The following PRORP variants were observed in gnomAD, a reference collection of about 807,000 sequenced individuals.
The protein encoded by PRORP is mitochondrial ribonuclease P catalytic subunit.
Under a neutral mutation model 59.4 loss-of-function variants are expected in PRORP, and 51 were observed. The observed-to-expected ratio is 0.86, with a 90% CI of 0.69 to 1.08. PRORP has a LOEUF of 1.08. Ranked by LOEUF, PRORP falls within the 50% of genes least tolerant of loss-of-function variation. The probability of loss-of-function intolerance (pLI) is 0.00; values close to 1 mark genes in which losing one functional copy is unlikely to be tolerated. For synonymous variants in PRORP, 231 were observed against 245.6 expected (o/e 0.94, Z 0.55); for missense variants, 646 against 690.3 (o/e 0.94, Z 0.72).
intron 5 of PRORP, among the ~76,000 whole-genome samples, chr14:35,255,845 G>C (rs983771532): frequency 2.8e-4 from 42 of 152,148 alleles, no homozygotes; most frequent in African/African-American, 9.2e-4. Flanking sequence ...AGCTTATACA[G>C]AGTCTTAAGA....
chr14:35,204,255 GA>G (rs1387772984), intron 5 of PRORP, among the ~76,000 whole-genome samples: 4 of 151,496 alleles, frequency 2.6e-5, no homozygotes, highest in East Asian at 1.9e-4. Flanking sequence ...AAAGAAATGA[GA>G]AAAAAAAATT....
intron 5 of PRORP, among the ~76,000 whole-genome samples, chr14:35,246,079 T>C: frequency 6.6e-6 from 1 of 152,182 alleles, no homozygotes; most frequent in South Asian, 2.1e-4. Flanking sequence ...ACATTCTGGC[T>C]CCTTATCTTT....
chr14:35,156,215 C>A (rs925031461), intron 4 of PRORP, among the ~76,000 whole-genome samples: 1 of 152,192 alleles, frequency 6.6e-6, no homozygotes, highest in African/African-American at 2.4e-5. Flanking sequence ...ACAGTGCTAA[C>A]TGGGAGATGT....
chr14:35,126,577 A>G (rs781657829), intron 2 of PRORP, among the ~76,000 whole-genome samples, 158 bp from the exon 3 acceptor site: 8 of 152,206 alleles, frequency 5.3e-5, no homozygotes, highest in Non-Finnish European at 1.2e-4. Context: ...TCTTAACCCC[A>G]TCCAGGATAG....
intron 6 of PRORP, among the ~76,000 whole-genome samples, chr14:35,268,565 T>C (rs1239124191): frequency 6.6e-6 from 1 of 152,170 alleles, no homozygotes; most frequent in East Asian, 1.9e-4. Context: ...ATAGTCTGAA[T>C]GTGATAACTT....
At chr14:35,176,075 G>T (rs529653715) in intron 4 of PRORP, among the ~76,000 whole-genome samples, 3 of 152,118 alleles carry the variant, frequency 2.0e-5, no homozygotes, top group South Asian at 2.1e-4. Flanking sequence ...ATTTCTGAGG[G>T]CTCTGTTCTG....
At chr14:35,260,507 T>G (rs1461217404) in intron 5 of PRORP, among the ~76,000 whole-genome samples, 1 of 152,226 alleles carries the variant, frequency 6.6e-6, no homozygotes, top group East Asian at 1.9e-4. Flanking sequence ...CTTCAAGTAT[T>G]CTGTTTTACC....
chr14:35,202,594 C>T (rs1027601361), intron 5 of PRORP, among the ~76,000 whole-genome samples: 1 of 152,004 alleles, frequency 6.6e-6, no homozygotes, highest in Non-Finnish European at 1.5e-5. Flanking sequence ...CTGTCTCATG[C>T]GATCAAAAGG....
At chr14:35,134,107 T>G (rs935410741) in intron 4 of PRORP, among the ~76,000 whole-genome samples, 1 of 152,186 alleles carries the variant, frequency 6.6e-6, no homozygotes, top group African/African-American at 2.4e-5. Context: ...AGAAGTGCCA[T>G]TTGGGAGCCA....
chr14:35,126,809 T>TAA, intron 3 of PRORP, 27 bp downstream of exon 3: 1 of 1,578,862 alleles, frequency 6.3e-7, no homozygotes, highest in Non-Finnish European at 8.7e-7. Context: ...ATTTTTAACT[T>TAA]GTTTGATTTT....
chr14:35,245,559 C>T (rs2050463510), intron 5 of PRORP, among the ~76,000 whole-genome samples: 1 of 152,060 alleles, frequency 6.6e-6, no homozygotes. Context: ...GAAGGAGGAT[C>T]GCTTGAGTCC....
chr14:35,273,316 G>T, intron 7 of PRORP, 119 bp from the exon 8 acceptor site: 1 of 923,068 alleles, frequency 1.1e-6, no homozygotes, highest in Non-Finnish European at 1.5e-6. Flanking sequence ...CCATTATTAA[G>T]TGAGATAATC....
At chr14:35,207,287 TAA>T (rs2049319014) in intron 5 of PRORP, among the ~76,000 whole-genome samples, 1 of 152,218 alleles carries the variant, frequency 6.6e-6, no homozygotes, top group South Asian at 2.1e-4. Flanking sequence ...GAATGTAAAA[TAA>T]AAAGACCTTA....
chr14:35,158,924 T>TA (rs2047990117), intron 4 of PRORP: 2 of 324,500 alleles, frequency 6.2e-6, no homozygotes, highest in African/African-American at 4.5e-5. Flanking sequence ...CCCACCACCG[T>TA]AAGTGTGAAT....
chr14:35,123,350 C>A lies in PRORP; in HGVS notation c.105C>A (p.Asp35Glu). Reference protein sequence around the residue: ...GHSYVSLFLADRCGIRNQQRL... With the variant: ...GHSYVSLFLAERCGIRNQQRL... ...CTTATGTCTCGCTGTTTCTGGCAGA[C>A]CGCTGTGGCATCAGGAACCAGCAGA... Residue 35 changes from aspartate (D) to glutamate (E), a missense_variant, in exon 2 of 8, where the codon GAC (aspartate) becomes GAA (glutamate). Coordinates refer to ENST00000534898, the MANE Select transcript of PRORP (RefSeq NM_014672.4). 2 of 1,614,082 alleles carry A rather than the reference C, an allele frequency of 1.2e-6. No individual in the cohort carries two copies. Among genetic ancestry groups the A allele is most frequent in the Non-Finnish European group, 1.7e-6 (2 of 1,180,040 alleles).
At chr14:35,223,559 A>G (rs1284419238) in intron 5 of PRORP, among the ~76,000 whole-genome samples, 2 of 150,760 alleles carry the variant, frequency 1.3e-5, no homozygotes, top group Admixed American at 6.6e-5. Context: ...TCCCAGGTTC[A>G]AGCAATTCCC....
At chr14:35,178,205 A>G (rs1175238896) in intron 4 of PRORP, among the ~76,000 whole-genome samples, 2 of 152,178 alleles carry the variant, frequency 1.3e-5, no homozygotes, top group Non-Finnish European at 2.9e-5. Flanking sequence ...GGTGCTGAGA[A>G]GAATGTAAAT....
chr14:35,190,971 A>G (rs2048868682), intron 5 of PRORP, among the ~76,000 whole-genome samples: 1 of 152,050 alleles, frequency 6.6e-6, no homozygotes, highest in East Asian at 1.9e-4. Context: ...ATTTTCCTAG[A>G]GCAGTTTTAG....
intron 4 of PRORP, among the ~76,000 whole-genome samples, chr14:35,151,721 C>T (rs960371200): frequency 3.3e-5 from 5 of 151,474 alleles, no homozygotes; most frequent in African/African-American, 1.2e-4. Context: ...AGTGAAAGCA[C>T]CACAAGGGTA....
Sources: gnomAD v4.1 joint callset for allele counts (sites outside exome capture counted in the v4.1 genomes callset) on GRCh38, gnomAD v4.1.1 for gene constraint, MANE v1.5 for transcripts, NCBI Gene and HGNC (gene_info 2026-07-23, HGNC 2026-07-21) for gene names.